The following WWP2 variants were observed in gnomAD, a reference collection of about 807,000 sequenced individuals.
WWP2 encodes the protein NEDD4-like E3 ubiquitin-protein ligase WWP2.
A neutral mutation model predicts 121.0 loss-of-function variants in WWP2; 57 were observed. The observed-to-expected ratio is 0.47, with a 90% CI of 0.38 to 0.59. The LOEUF is 0.59. Ranked by LOEUF, WWP2 falls within the 20% of genes least tolerant of loss-of-function variation. WWP2 has a pLI of 0.00. For synonymous variants in WWP2, 449 were observed against 441.3 expected, an observed-to-expected ratio of 1.02 and a Z score of -0.22; for missense variants, 962 against 1,158.9, an observed-to-expected ratio of 0.83 and a Z score of 2.47.
chr16:69,870,578 G>A (rs1446774800), intron 6 of WWP2, among the ~76,000 whole-genome samples: 3 of 152,208 alleles, frequency 2.0e-5, no homozygotes, highest in Non-Finnish European at 4.4e-5. Flanking sequence ...TAGGATAACA[G>A]GCGTGAGCCA....
chr16:69,810,409 A>C (rs956745540), intron 4 of WWP2, among the ~76,000 whole-genome samples: 2 of 150,694 alleles, frequency 1.3e-5, no homozygotes, highest in African/African-American at 4.9e-5. Context: ...TGATGTTGCC[A>C]GTTCAGTTTT....
chr16:69,885,135 A>ACACACC (rs2057901738), intron 7 of WWP2, among the ~76,000 whole-genome samples: 1 of 150,712 alleles, frequency 6.6e-6, no homozygotes, highest in African/African-American at 2.4e-5. Context: ...ACACACACAC[A>ACACACC]CACACATTCT....
intron 1 of WWP2, among the ~76,000 whole-genome samples, chr16:69,780,868 AAG>A (rs774523416): frequency 3.9e-5 from 6 of 152,098 alleles, no homozygotes; most frequent in Non-Finnish European, 5.9e-5. Flanking sequence ...ATTAATAAAA[AAG>A]GAAAAAAATC....
At chr16:69,770,195 G>A (rs1205087754) in intron 1 of WWP2, among the ~76,000 whole-genome samples, 1 of 152,106 alleles carries the variant, frequency 6.6e-6, no homozygotes, top group East Asian at 1.9e-4. Flanking sequence ...TTGACCTTTG[G>A]TTGGGGACTC....
At chr16:69,888,383 A>G (rs1165478670) in intron 8 of WWP2, 134 bp downstream of exon 8, 19 of 929,246 alleles carry the variant, frequency 2.0e-5, no homozygotes, top group Non-Finnish European at 3.0e-5. Flanking sequence ...CATTGAAGCA[A>G]GGGAGGTGTG....
intron 6 of WWP2, among the ~76,000 whole-genome samples, chr16:69,868,494 C>T (rs1230360225): frequency 6.6e-6 from 1 of 152,118 alleles, no homozygotes; most frequent in Non-Finnish European, 1.5e-5. Context: ...TGACAGTGCA[C>T]GTTTTGCAGG....
chr16:69,939,886 G>A lies in WWP2; in HGVS notation c.2559G>A (p.Leu853=). The change falls in exon 24 of 24, where the codon CTG becomes CTA. Residue 853 remains leucine, a synonymous_variant. Transcript: ENST00000359154. ...CACCCTACAAGAGCTACGAACAGCT[G>A]AGAGAGAAGCTGCTGTATGCCATTG... ...DLPPYKSYEQ[L]REKLLYAIEE... 2 of 1,613,968 alleles carry A rather than the reference G, an allele frequency of 1.2e-6. No homozygotes were observed. Among genetic ancestry groups the A allele is most frequent in the Non-Finnish European group, 8.5e-7 (1 of 1,179,930 alleles).
At chr16:69,921,228 T>C (rs1461307690) in intron 10 of WWP2, among the ~76,000 whole-genome samples, 1 of 152,240 alleles carries the variant, frequency 6.6e-6, no homozygotes. Context: ...GGCATTGGTT[T>C]TCTCCTCTTG....
chr16:69,872,864 C>T (rs2057666426), intron 7 of WWP2, among the ~76,000 whole-genome samples: 1 of 152,210 alleles, frequency 6.6e-6, no homozygotes, highest in Non-Finnish European at 1.5e-5. Flanking sequence ...ACTCATTTTC[C>T]GTCCTGCTCT....
At chr16:69,918,633 G>T (rs948569187) in intron 10 of WWP2, among the ~76,000 whole-genome samples, 1 of 152,172 alleles carries the variant, frequency 6.6e-6, no homozygotes, top group Non-Finnish European at 1.5e-5. Context: ...TCTTTCTGAT[G>T]CTTGATCATC....
chr16:69,917,449 G>A (rs2058493548), intron 9 of WWP2: 1 of 389,022 alleles, frequency 2.6e-6, no homozygotes, highest in Admixed American at 4.0e-5. Flanking sequence ...TCTGGTCCAG[G>A]CAACCATGCA....
At chr16:69,800,054 G>A (rs1209364791) in intron 4 of WWP2, among the ~76,000 whole-genome samples, 8 of 152,088 alleles carry the variant, frequency 5.3e-5, no homozygotes, top group Admixed American at 4.6e-4. Flanking sequence ...AGAGAGAGGT[G>A]GGGGCGGGGA....
At chr16:69,836,122 A>G (rs1401589300) in intron 4 of WWP2, among the ~76,000 whole-genome samples, 1 of 152,190 alleles carries the variant, frequency 6.6e-6, no homozygotes, top group African/African-American at 2.4e-5. Context: ...TAGTACTACT[A>G]TTGAACCTAA....
intron 10 of WWP2, among the ~76,000 whole-genome samples, chr16:69,920,871 A>C (rs1439303101): frequency 6.6e-6 from 1 of 152,136 alleles, no homozygotes; most frequent in African/African-American, 2.4e-5. Flanking sequence ...GGGTTGACCA[A>C]GATGTTGGTG....
intron 6 of WWP2, among the ~76,000 whole-genome samples, chr16:69,867,702 C>G (rs548957021): frequency 6.6e-6 from 1 of 152,192 alleles, no homozygotes; most frequent in Non-Finnish European, 1.5e-5. Context: ...ACACCGCATC[C>G]TGAGAAGGGC....
At chr16:69,908,911 C>A (rs2058340761) in intron 9 of WWP2, 61 bp downstream of exon 9, 3 of 1,611,294 alleles carry the variant, frequency 1.9e-6, no homozygotes, top group Admixed American at 3.4e-5. Context: ...CACCCAATGG[C>A]TTCTTGAAAC....
intron 9 of WWP2, among the ~76,000 whole-genome samples, chr16:69,914,090 A>G (rs1348323922): frequency 3.3e-5 from 5 of 150,716 alleles, no homozygotes; most frequent in Admixed American, 1.3e-4. Flanking sequence ...AAAAAAAAAA[A>G]AAAAAAAAAA....
intron 2 of WWP2, among the ~76,000 whole-genome samples, chr16:69,793,936 T>TTTTTTA (rs2055970171): frequency 6.8e-6 from 1 of 147,568 alleles, no homozygotes; most frequent in African/African-American, 2.5e-5. Context: ...TTTTTTTTTT[T>TTTTTTA]GAGACAGGGT....
Position 69,797,429 on chromosome 16 carries a change from C to T in WWP2, c.71-1253C>T, listed in dbSNP as rs375225425. Among the ~76,000 whole-genome samples, 12 of 152,030 alleles carry T rather than the reference C, an allele frequency of 7.9e-5. No individual in the cohort carries two copies. The East Asian group carries it at 9.6e-4, about 12-fold the overall frequency. ...CTGGCTATGTAGAGTGGGAGAGTGACCTTGCCTCTCAAGCCTGTTTTCTCC... is the reference window on the plus strand; with the variant it reads ...CTGGCTATGTAGAGTGGGAGAGTGATCTTGCCTCTCAAGCCTGTTTTCTCC... On this transcript the variant is annotated intron_variant, in intron 2 of 23. Coordinates refer to ENST00000359154, the MANE Select transcript of WWP2 (RefSeq NM_001270454.2).
Sources: gnomAD v4.1 joint callset for allele counts (sites outside exome capture counted in the v4.1 genomes callset) on GRCh38, gnomAD v4.1.1 for gene constraint, MANE v1.5 for transcripts, NCBI Gene and HGNC (gene_info 2026-07-23, HGNC 2026-07-21) for gene names.